The following CPSF2 variants were observed in gnomAD, a reference collection of about 807,000 sequenced individuals.
CPSF2 encodes cleavage and polyadenylation specific factor 2, also known as cleavage and polyadenylation specificity factor subunit 2.
In CPSF2, 51 loss-of-function variants were observed where a neutral mutation model predicts 84.2. The observed-to-expected ratio is 0.61, with a 90% CI of 0.48 to 0.77. The LOEUF is 0.77. Among genes scored for constraint, CPSF2 ranks in the 30% least tolerant of loss-of-function variants. The pLI is 0.00. For missense variants in CPSF2, 641 were observed against 929.4 expected, an observed-to-expected ratio of 0.69 and a Z score of 4.03; for synonymous variants, 286 against 311.9, an observed-to-expected ratio of 0.92 and a Z score of 0.87.
intron 9 of CPSF2, among the ~76,000 whole-genome samples, chr14:92,151,376 A>G (rs1019439818): frequency 1.3e-5 from 2 of 151,958 alleles, no homozygotes; most frequent in African/African-American, 4.8e-5. Context: ...TAGGCAACAG[A>G]GTGAGACCCT....
At chr14:92,160,885 T>C (rs1338680984) in intron 14 of CPSF2, among the ~76,000 whole-genome samples, 2 of 152,178 alleles carry the variant, frequency 1.3e-5, no homozygotes, top group African/African-American at 2.4e-5. Context: ...CAAAACTGAT[T>C]GTGAAACAGA....
chr14:92,168,273 G>T lies in CPSF2; in HGVS notation c.*6529G>T, dbSNP rs1373102685. ...CAAAAAAAAAAAAAAAAAAGGGCAG[G>T]GGGAGCGGCTAGAGAAGGAACATTC... On this transcript the variant is annotated 3_prime_UTR_variant, in exon 16 of 16. Coordinates refer to ENST00000298875, the MANE Select transcript of CPSF2 (RefSeq NM_017437.3). 1 of 136,298 alleles carries T rather than the reference G, an allele frequency of 7.3e-6. No homozygotes were observed. Among genetic ancestry groups the T allele is most frequent in the African/African-American group, 2.7e-5 (1 of 37,446 alleles). The allele number at this position is 136,298 out of a possible 1,614,324, so 8.4% of individuals were successfully genotyped here.
intron 9 of CPSF2, 22 bp from the exon 10 acceptor site, chr14:92,154,336 T>G (rs375964951): frequency 6.4e-7 from 1 of 1,557,410 alleles, no homozygotes; most frequent in Non-Finnish European, 8.7e-7. Flanking sequence ...AACATTTCCT[T>G]TTGTCTTTTA....
At position 92,166,364 on chromosome 14, in the gene CPSF2, T is replaced by G. The variant is rs2069447535; in HGVS notation, c.*4620T>G. On this transcript the variant is annotated 3_prime_UTR_variant, in exon 16 of 16. Transcript: ENST00000298875. ...ATTATCATTATTATTATTTTCTTTT[T>G]GAGGCAGGGTCTCACTCTGTCACGC... 1.3e-5 allele frequency: 2 copies of G among 152,186 alleles called. No individual in the cohort carries two copies. 9.4% of individuals were successfully genotyped at this position (152,186 alleles called of 1,614,324 possible). A position where few individuals can be genotyped will look rare whatever the true frequency, so the allele number is the denominator to read the frequency against.
At chr14:92,125,137 C>G in intron 1 of CPSF2, among the ~76,000 whole-genome samples, 1 of 152,028 alleles carries the variant, frequency 6.6e-6, no homozygotes, top group Middle Eastern at 3.2e-3. Context: ...AATCTGGTAG[C>G]AATGTTTAGG....
rs1036618937 is a variant in CPSF2, at chr14:92,170,950, G to A, written c.*9206G>A. The A allele has an allele frequency of 6.6e-6, 1 of 152,034 alleles. No homozygotes were observed. The highest frequency in any genetic ancestry group is 2.4e-5 in the African/African-American group (1 of 41,396). 9.4% of individuals were successfully genotyped at this position (152,034 alleles called of 1,614,324 possible). A position where few individuals can be genotyped will look rare whatever the true frequency, so the allele number is the denominator to read the frequency against. On this transcript the variant is annotated 3_prime_UTR_variant, in exon 16 of 16. Coordinates refer to ENST00000298875, the MANE Select transcript of CPSF2 (RefSeq NM_017437.3). ...CTTAAAAAGTACAGCATGATGTTTT[G>A]GTATATGTATCCATAGTGAAATGAT...
rs558576067 is a variant in CPSF2, at chr14:92,133,918, G to A, written c.150-93G>A. ...AGTTTTGCTCTTCTGCCCCAGTGTA[G>A]TCTTCAATCCAGAATTGGTGAATAA... On this transcript the variant is annotated intron_variant, in intron 3 of 15. Coordinates refer to ENST00000298875, the MANE Select transcript of CPSF2 (RefSeq NM_017437.3). 113 of 1,312,130 alleles carry A rather than the reference G, an allele frequency of 8.6e-5. No individual in the cohort carries two copies. The South Asian group carries it at 1.1e-3, about 12-fold the overall frequency. 81.3% of individuals were successfully genotyped at this position (1,312,130 alleles called of 1,614,324 possible).
At chr14:92,149,845 CATT>C (rs1367274498) in intron 9 of CPSF2, among the ~76,000 whole-genome samples, 1 of 151,626 alleles carries the variant, frequency 6.6e-6, no homozygotes, top group Non-Finnish European at 1.5e-5. Flanking sequence ...TTAGTAGAGA[CATT>C]GTTTCACCAT....
At chr14:92,136,406 G>A (rs1289789722) in intron 6 of CPSF2, among the ~76,000 whole-genome samples, 3 of 152,128 alleles carry the variant, frequency 2.0e-5, no homozygotes, top group African/African-American at 7.2e-5. Context: ...CAAACTGTTC[G>A]CATAAACGCA....
intron 9 of CPSF2, among the ~76,000 whole-genome samples, chr14:92,147,822 CAAGCGCGCCTCCTGCTT>C (rs1305896755): frequency 1.3e-5 from 2 of 152,188 alleles, no homozygotes; most frequent in African/African-American, 2.4e-5. Context: ...CTCTTGGGCT[CAAGCGCGCCTCCTGCTT>C]AAGCCTCCCA....
At chr14:92,123,722 G>A (rs1327173679) in intron 1 of CPSF2, among the ~76,000 whole-genome samples, 1 of 152,142 alleles carries the variant, frequency 6.6e-6, no homozygotes, top group South Asian at 2.1e-4. Flanking sequence ...TTATTAAGAG[G>A]GCAAGTAACT....
At position 92,167,019 on chromosome 14, in the gene CPSF2, T is replaced by C. The variant is rs921842996; in HGVS notation, c.*5275T>C. 3.3e-5 allele frequency: 5 copies of C among 150,198 alleles called. No individual in the cohort carries two copies. The highest frequency in any genetic ancestry group is 1.3e-4 in the Admixed American group (2 of 15,098). The allele number at this position is 150,198 out of a possible 1,614,324, so 9.3% of individuals were successfully genotyped here. On this transcript the variant is annotated 3_prime_UTR_variant, in exon 16 of 16. Transcript: ENST00000298875. ...CTTATCGATTTCTTTTTTTTCTTTT[T>C]TTTTTTTTTTGAGATAGCATCTTGC...
intron 9 of CPSF2, among the ~76,000 whole-genome samples, chr14:92,149,252 A>G (rs1456911811): frequency 6.6e-6 from 1 of 152,160 alleles, no homozygotes; most frequent in Non-Finnish European, 1.5e-5. Flanking sequence ...CACCGTACAT[A>G]CACGTCATTA....
At chr14:92,134,481 C>T in intron 5 of CPSF2, 126 bp downstream of exon 5, 2 of 642,964 alleles carry the variant, frequency 3.1e-6, no homozygotes, top group Non-Finnish European at 5.4e-6. Context: ...TTAGCACATT[C>T]TGCCTTGATA....
chr14:92,135,635 C>T, intron 6 of CPSF2, 139 bp downstream of exon 6: 3 of 760,466 alleles, frequency 3.9e-6, no homozygotes, highest in Non-Finnish European at 6.3e-6. Flanking sequence ...GGAGTGTTTT[C>T]AAAATTAATT....
chr14:92,138,129 G>A, intron 6 of CPSF2, 103 bp from the exon 7 acceptor site: 1 of 495,904 alleles, frequency 2.0e-6, no homozygotes, highest in Non-Finnish European at 3.6e-6. Flanking sequence ...AGTTAGAGGA[G>A]GGAACACCTT....
rs530649307 is a variant in CPSF2, at chr14:92,160,501, G to A, written c.2122-611G>A. On this transcript the variant is annotated intron_variant, in intron 14 of 15. Coordinates refer to ENST00000298875, the MANE Select transcript of CPSF2 (RefSeq NM_017437.3). ...CTATGAAATTAAGAATAGAGAGACA[G>A]CCTCTGTTGTTGGATTCCCTTCTAG... Among the ~76,000 whole-genome samples the A allele has an allele frequency of 3.9e-5, 6 of 152,320 alleles. No individual in the cohort carries two copies. In the South Asian group the frequency reaches 1.2e-3, roughly 32 times the overall value.
At chr14:92,134,437 AATTATAGGC>A (rs959294308) in intron 5 of CPSF2, 82 bp downstream of exon 5, 1 of 934,320 alleles carries the variant, frequency 1.1e-6, no homozygotes, top group African/African-American at 1.7e-5. Flanking sequence ...TCAGAGAGAA[AATTATAGGC>A]ATTATAGGCT....
intron 6 of CPSF2, among the ~76,000 whole-genome samples, chr14:92,136,181 C>T (rs561415458): frequency 2.0e-5 from 3 of 152,192 alleles, no homozygotes; most frequent in Non-Finnish European, 4.4e-5. Context: ...CTTACAGGCT[C>T]GTTTTGTTTT....
Sources: gnomAD v4.1 joint callset for allele counts (sites outside exome capture counted in the v4.1 genomes callset) on GRCh38, gnomAD v4.1.1 for gene constraint, MANE v1.5 for transcripts, NCBI Gene and HGNC (gene_info 2026-07-23, HGNC 2026-07-21) for gene names.